MCF2L2: variants seen among roughly 807,000 people sequenced by gnomAD.
The protein encoded by MCF2L2 is probable guanine nucleotide exchange factor MCF2L2.
MCF2L2 carries 102 observed loss-of-function variants against 150.2 expected under a neutral mutation model. That is an observed-to-expected ratio of 0.68 (90% CI 0.58 to 0.80). The LOEUF is 0.80. Ranked by LOEUF, MCF2L2 falls within the 30% of genes least tolerant of loss-of-function variation. The pLI is 0.00. For synonymous variants in MCF2L2, 465 were observed against 491.3 expected, an observed-to-expected ratio of 0.95 and a Z score of 0.71; for missense variants, 1,256 against 1,372.8, an observed-to-expected ratio of 0.91 and a Z score of 1.34.
intron 13 of MCF2L2, among the ~76,000 whole-genome samples, chr3:183,292,705 G>A (rs895728408): frequency 1.3e-5 from 2 of 152,120 alleles, no homozygotes; most frequent in African/African-American, 4.8e-5. Flanking sequence ...GATAAGAATA[G>A]CACAGAGGAT....
At chr3:183,277,566 G>C (rs1405511033) in intron 14 of MCF2L2, among the ~76,000 whole-genome samples, 1 of 151,756 alleles carries the variant, frequency 6.6e-6, no homozygotes, top group Non-Finnish European at 1.5e-5. Context: ...GGCTTTCACA[G>C]ATGCGTGATA....
intron 25 of MCF2L2, among the ~76,000 whole-genome samples, chr3:183,200,335 T>G (rs1168255246): frequency 1.3e-5 from 2 of 152,196 alleles, no homozygotes; most frequent in African/African-American, 2.4e-5. Flanking sequence ...GTGTGAGATG[T>G]TATCTCATTG....
intron 11 of MCF2L2, chr3:183,297,971 C>T (rs141017113): frequency 6.6e-6 from 1 of 152,320 alleles, no homozygotes; most frequent in East Asian, 1.9e-4. Context: ...TTAGACCTGG[C>T]CCTTACATTT....
intron 1 of MCF2L2, among the ~76,000 whole-genome samples, chr3:183,421,965 TTCTGA>T (rs1263208517): frequency 1.3e-5 from 2 of 152,210 alleles, no homozygotes; most frequent in Non-Finnish European, 2.9e-5. Flanking sequence ...CTGTCTCCCT[TTCTGA>T]TCTCTCTGTT....
At chr3:183,212,409 T>C (rs549333208) in intron 22 of MCF2L2, among the ~76,000 whole-genome samples, 3 of 152,202 alleles carry the variant, frequency 2.0e-5, no homozygotes, top group Non-Finnish European at 4.4e-5. Context: ...AGATGGAACA[T>C]AGCGGCTACC....
intron 5 of MCF2L2, among the ~76,000 whole-genome samples, chr3:183,328,081 T>C (rs1024218486): frequency 1.3e-5 from 2 of 152,176 alleles, no homozygotes; most frequent in East Asian, 1.9e-4. Flanking sequence ...GATTAAACTC[T>C]ATAGAAACTC....
In MCF2L2 at chr3:183,270,384, A is replaced by T. The variant is rs774807011; in HGVS notation, c.1862+6488T>A. On this transcript the variant is annotated intron_variant, in intron 15 of 29. Coordinates refer to ENST00000328913, the MANE Select transcript of MCF2L2 (RefSeq NM_015078.4). The surrounding 1 kb of genome is among the most constrained non-coding windows in gnomAD (Gnocchi z 4.5). ...ATTTCTTATGACTGCTGATGATGAC[A>T]TATTTATTCACATGCCAAATCTGAT... 1.2e-6 allele frequency: 2 copies of T among 1,614,234 alleles called. No homozygotes were observed. The highest frequency in any genetic ancestry group is 1.7e-6 in the Non-Finnish European group (2 of 1,180,040).
chr3:183,190,502 G>A (rs1249150884), intron 27 of MCF2L2, among the ~76,000 whole-genome samples: 1 of 152,228 alleles, frequency 6.6e-6, no homozygotes, highest in African/African-American at 2.4e-5. Flanking sequence ...GCTAGGGCAG[G>A]GAAGAAGCCA....
intron 25 of MCF2L2, among the ~76,000 whole-genome samples, chr3:183,204,616 TAAC>T (rs996996735): frequency 3.9e-5 from 6 of 152,104 alleles, no homozygotes; most frequent in Non-Finnish European, 5.9e-5. Context: ...CTCAGAAAGT[TAAC>T]AAAAGTTACC....
intron 1 of MCF2L2, among the ~76,000 whole-genome samples, chr3:183,426,430 CT>C (rs1227211906): frequency 4.6e-5 from 7 of 152,214 alleles, no homozygotes; most frequent in Non-Finnish European, 8.8e-5. Context: ...ACTGAAATGT[CT>C]GTATAATCAC....
intron 16 of MCF2L2, 76 bp downstream of exon 16, chr3:183,230,874 AT>A: frequency 8.7e-7 from 1 of 1,152,568 alleles, no homozygotes; most frequent in Middle Eastern, 2.0e-4. Context: ...TCTGGCAACT[AT>A]TTTGAGTCTC....
At chr3:183,231,558 A>T (rs1251939858) in intron 15 of MCF2L2, among the ~76,000 whole-genome samples, 1 of 151,752 alleles carries the variant, frequency 6.6e-6, no homozygotes, top group Non-Finnish European at 1.5e-5. Context: ...GGGCTCCAGC[A>T]ACCCTCCTGC....
intron 27 of MCF2L2, chr3:183,180,437 T>C: frequency 5.0e-6 from 2 of 401,060 alleles, no homozygotes; most frequent in East Asian, 7.9e-5. Context: ...TCATTGTTTT[T>C]TGTGTTTGCC....
At chr3:183,335,236 C>T (rs4859162) in intron 5 of MCF2L2, among the ~76,000 whole-genome samples, 39,362 of 151,738 alleles carry the variant, frequency 0.26, 7,341 homozygotes, top group African/African-American at 0.53. Context: ...AGATCTTCTA[C>T]ATATATCTTG....
At chr3:183,311,895 C>G (rs1729394952) in intron 7 of MCF2L2, 123 bp from the exon 8 acceptor site, 1 of 793,724 alleles carries the variant, frequency 1.3e-6, no homozygotes, top group East Asian at 2.8e-5. Context: ...CTGATGAAGT[C>G]AAGATGCAGC....
chr3:183,210,017 A>T (rs1041692709), intron 22 of MCF2L2, among the ~76,000 whole-genome samples: 3 of 152,188 alleles, frequency 2.0e-5, no homozygotes, highest in Non-Finnish European at 2.9e-5. Flanking sequence ...CTATCTTACA[A>T]TGTATTCACT....
intron 14 of MCF2L2, among the ~76,000 whole-genome samples, chr3:183,287,272 G>A (rs182132691): frequency 5.3e-5 from 8 of 152,198 alleles, no homozygotes; most frequent in South Asian, 2.1e-4. Flanking sequence ...TAAAACTCCC[G>A]TAGCATTTTT....
chr3:183,349,556 G>A (rs1254529442), intron 3 of MCF2L2, among the ~76,000 whole-genome samples: 2 of 152,212 alleles, frequency 1.3e-5, no homozygotes, highest in African/African-American at 4.8e-5. Flanking sequence ...ACGTGTGAAC[G>A]TCAAACACAA....
In MCF2L2 at chr3:183,295,321, T is replaced by C. The variant is rs776024697; in HGVS notation, c.1654A>G (p.Thr552Ala). The C allele has an allele frequency of 3.5e-5, 56 of 1,608,724 alleles. No homozygotes were observed. The highest frequency in any genetic ancestry group is 4.6e-5 in the Non-Finnish European group (54 of 1,177,712). The change falls in exon 13 of 30, where the codon ACC (threonine) becomes GCC (alanine). Residue 552 changes from threonine to alanine, a missense_variant. By Grantham distance (58) the Thr-to-Ala change is moderately conservative. Coordinates refer to ENST00000328913, the MANE Select transcript of MCF2L2 (RefSeq NM_015078.4). The part of the protein sequence containing the change: ...ESSPKWVSSK[T>A]SQPSTSVPLA... ...CTACCCGAGGTGGAGGGCTGGCTGG[T>C]TTTTGATGACACCCATTTTGGTGAA... is the stretch of plus-strand genomic sequence containing the variant.
Sources: allele counts gnomAD v4.1 joint callset (sites outside exome capture counted in the v4.1 genomes callset), GRCh38; gene constraint gnomAD v4.1.1; non-coding constraint Gnocchi (gnomAD v3.1); transcripts MANE v1.5; gene names NCBI Gene and HGNC (gene_info 2026-07-23, HGNC 2026-07-21).